LRSAM1: variants seen among roughly 807,000 people sequenced by gnomAD.
The protein encoded by LRSAM1 is E3 ubiquitin-protein ligase LRSAM1.
In LRSAM1, 96 loss-of-function variants were observed where a neutral mutation model predicts 118.1. The ratio of observed to expected loss-of-function variants is 0.81; its 90% CI spans 0.69 to 0.96. LRSAM1 has a LOEUF of 0.96. Ranked by LOEUF, LRSAM1 falls within the 40% of genes least tolerant of loss-of-function variation. The probability of loss-of-function intolerance (pLI) is 0.00; values close to 1 mark genes in which losing one functional copy is unlikely to be tolerated. For synonymous variants in LRSAM1, 322 were observed against 364.2 expected, an observed-to-expected ratio of 0.88 and a Z score of 1.32; for missense variants, 804 against 915.5, an observed-to-expected ratio of 0.88 and a Z score of 1.57.
chr9:127,489,541 C>A (rs1183817980), intron 19 of LRSAM1, 23 bp downstream of exon 19: 9 of 1,590,496 alleles, frequency 5.7e-6, no homozygotes, highest in Non-Finnish European at 7.7e-6. Flanking sequence ...GCTGGGGTCC[C>A]TGGACCTGCT....
At chr9:127,467,898 C>T in intron 10 of LRSAM1, 68 bp downstream of exon 10, 1 of 1,469,030 alleles carries the variant, frequency 6.8e-7, no homozygotes, top group Non-Finnish European at 9.2e-7. Flanking sequence ...CCTGTGCCAG[C>T]CCAGGCTGGG....
intron 2 of LRSAM1, chr9:127,453,970 G>T: frequency 5.4e-6 from 1 of 185,590 alleles, no homozygotes; most frequent in South Asian, 8.8e-5. Context: ...TGGCTCCATG[G>T]AACTCGCTAG....
At chr9:127,489,164 C>T (rs1322404111) in intron 18 of LRSAM1, among the ~76,000 whole-genome samples, 2 of 152,146 alleles carry the variant, frequency 1.3e-5, no homozygotes, top group Non-Finnish European at 2.9e-5. Flanking sequence ...CTCTGAGTGT[C>T]ACTCCCCATC....
At chr9:127,500,870 A>T (rs1836359832) in intron 24 of LRSAM1, 140 bp from the exon 25 acceptor site, 1 of 1,128,192 alleles carries the variant, frequency 8.9e-7, no homozygotes, top group Non-Finnish European at 1.3e-6. Context: ...CAAGGAGAGC[A>T]CTTCCCTCAG....
chr9:127,488,183 G>T (rs1835800875), intron 18 of LRSAM1, among the ~76,000 whole-genome samples: 1 of 152,182 alleles, frequency 6.6e-6, no homozygotes, highest in Admixed American at 6.5e-5. Flanking sequence ...GGAGGTGCCT[G>T]GCAGGGCTCT....
Position 127,454,981 on chromosome 9 carries a change from A to G in LRSAM1, c.73-17A>G. The G allele has an allele frequency of 6.2e-7, 1 of 1,613,396 alleles. No individual in the cohort carries two copies. Among genetic ancestry groups the G allele is most frequent in the Non-Finnish European group, 8.5e-7 (1 of 1,179,366 alleles). On this transcript the variant is annotated splice_polypyrimidine_tract_variant and intron_variant, in intron 3 of 25. Coordinates refer to ENST00000300417, the MANE Select transcript of LRSAM1 (RefSeq NM_001005373.4). ...TGTTTTGTCTTAATACTTTTTAAAA[A>G]TTCTTTTTATCCTTAGGCAAAAGAA...
intron 9 of LRSAM1, among the ~76,000 whole-genome samples, chr9:127,466,256 C>T (rs868340890): frequency 6.6e-6 from 1 of 151,850 alleles, no homozygotes; most frequent in African/African-American, 2.4e-5. Flanking sequence ...TTGCAATGAG[C>T]TGAGATCACA....
At chr9:127,455,762 T>C in intron 5 of LRSAM1, 142 bp downstream of exon 5, 2 of 806,434 alleles carry the variant, frequency 2.5e-6, no homozygotes, top group Non-Finnish European at 4.2e-6. Context: ...CAGCAGGTGT[T>C]TTCACAGATA....
At chr9:127,471,515 G>A (rs1481425649) in intron 10 of LRSAM1, among the ~76,000 whole-genome samples, 4 of 149,102 alleles carry the variant, frequency 2.7e-5, no homozygotes, top group Non-Finnish European at 4.5e-5. Context: ...GGCTGGGCGC[G>A]GTGGCTCACG....
chr9:127,502,140 C>T (rs906215033), intron 25 of LRSAM1, among the ~76,000 whole-genome samples: 11 of 152,380 alleles, frequency 7.2e-5, no homozygotes, highest in African/African-American at 1.9e-4. Context: ...GCGTGCCCTC[C>T]GGCAGGGGCC....
At chr9:127,470,826 G>A (rs1835138360) in intron 10 of LRSAM1, 1 of 152,010 alleles carries the variant, frequency 6.6e-6, no homozygotes, top group Admixed American at 6.6e-5. Context: ...GGTCATGAGA[G>A]TGTGTTCACC....
chr9:127,473,823 C>A lies in LRSAM1; in HGVS notation c.642C>A (p.Pro214=), dbSNP rs550546958. The part of the protein sequence containing the change: ...LCKESGLEYY[P]PSQYLLPILE... The stretch of plus-strand genomic sequence containing the variant: ...CAGAGTCAGGGCTGGAATACTACCC[C>A]CCTTCTCAGTACTTGCTGCCAATTC... Residue 214 remains proline (P), a synonymous_variant, in exon 11 of 26, where the codon CCC becomes CCA. Transcript: ENST00000300417. 3.7e-6 allele frequency: 6 copies of A among 1,614,094 alleles called. No individual in the cohort carries two copies. The highest frequency in any genetic ancestry group is 2.7e-5 in the African/African-American group (2 of 74,952).
Position 127,462,321 on chromosome 9 carries a change from G to A in LRSAM1, c.476G>A (p.Gly159Glu), listed in dbSNP as rs1284607743. The change falls in exon 9 of 26, where the codon GGA becomes GAA. Residue 159 changes from glycine (G) to glutamate (E), a missense_variant. Gly to Glu is a moderately conservative substitution (Grantham distance 98, BLOSUM62 -2). Coordinates refer to ENST00000300417, the MANE Select transcript of LRSAM1 (RefSeq NM_001005373.4). ...LRSLRTLNIS[G>E]NEIQRLPQML... is the part of the protein sequence containing the mutation. ...AGCCTGCGTACCCTCAACATCAGTG[G>A]AAACGAGATCCAGAGATTGCCGCAG... is the stretch of plus-strand genomic sequence containing the variant. The A allele has an allele frequency of 6.2e-7, 1 of 1,614,104 alleles. No homozygotes were observed. The highest frequency in any genetic ancestry group is 8.5e-7 in the Non-Finnish European group (1 of 1,180,008).
At chr9:127,500,127 G>A (rs1836322765) in intron 24 of LRSAM1, among the ~76,000 whole-genome samples, 1 of 139,434 alleles carries the variant, frequency 7.2e-6, no homozygotes, top group Admixed American at 7.0e-5. Flanking sequence ...CTGGGAGGCT[G>A]AGGTGGGCAG....
chr9:127,487,461 C>T (rs1027071417), intron 17 of LRSAM1: 2 of 516,560 alleles, frequency 3.9e-6, no homozygotes, highest in Non-Finnish European at 7.2e-6. Flanking sequence ...AAGCATCTCT[C>T]TCCCAGCTCC....
chr9:127,484,810 CTTTT>C (rs1376461812), intron 16 of LRSAM1, among the ~76,000 whole-genome samples: 1 of 135,210 alleles, frequency 7.4e-6, no homozygotes, highest in Non-Finnish European at 1.5e-5. Flanking sequence ...TTCTTTTTTT[CTTTT>C]TTTTTTTTTT....
At chr9:127,484,529 A>AT (rs527770831) in intron 16 of LRSAM1, among the ~76,000 whole-genome samples, 2,064 of 140,944 alleles carry the variant, frequency 0.015, 15 homozygotes, top group Middle Eastern at 0.043. Flanking sequence ...CACCTGGCTA[A>AT]TTTTTTTTTT....
At chr9:127,456,873 A>C (rs539295582) in intron 5 of LRSAM1, among the ~76,000 whole-genome samples, 1 of 152,144 alleles carries the variant, frequency 6.6e-6, no homozygotes, top group East Asian at 1.9e-4. Context: ...CTCAAAAAAA[A>C]AAAAAAAGAA....
At position 127,492,686 on chromosome 9, in the gene LRSAM1, A is replaced by T. The variant is rs955870799; in HGVS notation, c.1504-116A>T. ...AGCTTTGTCCCCCAACGCAGCCTGG[A>T]GGCATTGGGCAGAGAACCGAGTGAG... On this transcript the variant is annotated intron_variant, in intron 20 of 25. Coordinates refer to ENST00000300417, the MANE Select transcript of LRSAM1 (RefSeq NM_001005373.4). 1.2e-5 allele frequency: 11 copies of T among 898,948 alleles called. No individual in the cohort carries two copies. The African/African-American group carries it at 1.5e-4, about 12-fold the overall frequency. 55.7% of individuals were successfully genotyped at this position (898,948 alleles called of 1,614,324 possible).
Sources: allele counts gnomAD v4.1 joint callset (sites outside exome capture counted in the v4.1 genomes callset), GRCh38; gene constraint gnomAD v4.1.1; transcripts MANE v1.5; gene names NCBI Gene and HGNC (gene_info 2026-07-23, HGNC 2026-07-21).